Variants in SPATA16 observed in about 807,000 individuals in gnomAD.
The protein encoded by SPATA16 is spermatogenesis associated 16.
SPATA16 carries 36 observed loss-of-function variants against 63.3 expected under a neutral mutation model. That is an observed-to-expected ratio of 0.57 (90% CI 0.44 to 0.75). The LOEUF (loss-of-function observed/expected upper bound fraction) is 0.75. Among genes scored for constraint, SPATA16 ranks in the 30% least tolerant of loss-of-function variants. SPATA16 has a pLI of 0.00. For missense variants in SPATA16, 646 were observed against 679.3 expected (o/e 0.95, Z 0.54); for synonymous variants, 203 against 216.7 (o/e 0.94, Z 0.56).
chr3:173,076,591 T>A (rs1331566462), intron 2 of SPATA16, among the ~76,000 whole-genome samples: 3 of 152,044 alleles, frequency 2.0e-5, no homozygotes, highest in Non-Finnish European at 2.9e-5. Context: ...TCTAAAAAAA[T>A]TATTTTAAAC....
At chr3:172,964,694 G>T (rs1189259688) in intron 5 of SPATA16, among the ~76,000 whole-genome samples, 1 of 151,970 alleles carries the variant, frequency 6.6e-6, no homozygotes, top group Non-Finnish European at 1.5e-5. Flanking sequence ...GTTGTTTTTT[G>T]ATTGTATTTC....
chr3:173,009,512 A>G (rs1236875459), intron 4 of SPATA16, among the ~76,000 whole-genome samples: 2 of 152,234 alleles, frequency 1.3e-5, no homozygotes, highest in African/African-American at 4.8e-5. Flanking sequence ...ACTCAAGCCC[A>G]TGTGAAGCCC....
At chr3:172,996,611 A>G (rs778872739) in intron 4 of SPATA16, among the ~76,000 whole-genome samples, 5 of 152,090 alleles carry the variant, frequency 3.3e-5, no homozygotes, top group East Asian at 1.9e-4. Flanking sequence ...ATCCCTCACC[A>G]GAGTGGTATA....
Position 172,960,873 on chromosome 3 carries a change from C to CTT in SPATA16, c.934-4050_934-4049insAA, listed in dbSNP as rs1213511325. Among the ~76,000 whole-genome samples, 94 of 114,060 alleles carry CTT rather than the reference C, an allele frequency of 8.2e-4. 1 individual carries two copies. Among genetic ancestry groups the CTT allele is most frequent in the African/African-American group, 4.4e-3 (91 of 20,540 alleles). The allele number at this position is 114,060 out of a possible 152,430, so 74.8% of individuals were successfully genotyped here. A position where few individuals can be genotyped will look rare whatever the true frequency, so the allele number is the denominator to read the frequency against. ...TAGAATTATGTAACTTACTTTCTTTCTCTCTTTCTTTCTCTCTCTCCTTCC... is the reference window on the plus strand; with the variant it reads ...TAGAATTATGTAACTTACTTTCTTTCTTTCTCTTTCTTTCTCTCTCTCCTTCC... On this transcript the variant is annotated intron_variant, in intron 5 of 10. Transcript: ENST00000351008.
At chr3:173,134,704 G>A (rs897681554) in intron 1 of SPATA16, among the ~76,000 whole-genome samples, 1 of 152,106 alleles carries the variant, frequency 6.6e-6, no homozygotes. Context: ...AAATTACCCA[G>A]TCTCAGGTAT....
chr3:172,914,278 G>A (rs1281566282), intron 9 of SPATA16, among the ~76,000 whole-genome samples: 1 of 151,606 alleles, frequency 6.6e-6, no homozygotes, highest in African/African-American at 2.4e-5. Flanking sequence ...GGTCCCATTC[G>A]AAGGCAAGTT....
intron 6 of SPATA16, among the ~76,000 whole-genome samples, chr3:172,931,978 T>A (rs1272349514): frequency 6.6e-6 from 1 of 152,142 alleles, no homozygotes; most frequent in Admixed American, 6.6e-5. Context: ...TGGGGAGAGT[T>A]TGGCTTAGTG....
rs370287671 is a variant in SPATA16, at chr3:172,914,742, T to G, written c.1504-998A>C. Among the ~76,000 whole-genome samples the G allele has an allele frequency of 8.7e-4, 133 of 152,266 alleles. 4 individuals are homozygous for G. The South Asian group carries it at 0.026, about 30-fold the overall frequency. On this transcript the variant is annotated intron_variant, in intron 9 of 10. Coordinates refer to ENST00000351008, the MANE Select transcript of SPATA16 (RefSeq NM_031955.6). The stretch of plus-strand genomic sequence containing the variant: ...CACATATATTTAAATATTTTTCTGC[T>G]GGGTATATAAGTACAAAAATATCCA...
At chr3:173,060,261 A>G (rs1386808737) in intron 2 of SPATA16, among the ~76,000 whole-genome samples, 2 of 152,208 alleles carry the variant, frequency 1.3e-5, no homozygotes, top group Non-Finnish European at 2.9e-5. Context: ...CCATCCCCAA[A>G]AAAAGAAACA....
intron 2 of SPATA16, among the ~76,000 whole-genome samples, chr3:173,096,919 C>G (rs577626052): frequency 6.6e-6 from 1 of 152,056 alleles, no homozygotes; most frequent in Non-Finnish European, 1.5e-5. Context: ...AGTATAACCA[C>G]TAACACTTAT....
chr3:173,033,599 C>T (rs1208730915), intron 3 of SPATA16, among the ~76,000 whole-genome samples: 1 of 152,094 alleles, frequency 6.6e-6, no homozygotes, highest in Non-Finnish European at 1.5e-5. Flanking sequence ...CTGTCTAATA[C>T]TGGAGGGGAG....
chr3:173,031,585 A>G (rs937076131), intron 3 of SPATA16, among the ~76,000 whole-genome samples: 4 of 152,060 alleles, frequency 2.6e-5, no homozygotes, highest in Admixed American at 2.6e-4. Flanking sequence ...GAGTCTTTCA[A>G]CATGGGCTGT....
chr3:172,930,295 CATCTGCTT>C (rs1278683627), intron 6 of SPATA16, among the ~76,000 whole-genome samples: 1 of 152,234 alleles, frequency 6.6e-6, no homozygotes, highest in Non-Finnish European at 1.5e-5. Context: ...CAGCAGTGTG[CATCTGCTT>C]CACAATCTAG....
At chr3:172,906,390 G>C (rs1732237880) in intron 10 of SPATA16, among the ~76,000 whole-genome samples, 1 of 152,206 alleles carries the variant, frequency 6.6e-6, no homozygotes, top group Non-Finnish European at 1.5e-5. Context: ...AAGGAACAGA[G>C]ATGGAGGATC....
intron 2 of SPATA16, among the ~76,000 whole-genome samples, chr3:173,095,465 A>G (rs939072428): frequency 1.3e-5 from 2 of 152,160 alleles, no homozygotes; most frequent in African/African-American, 2.4e-5. Flanking sequence ...CTACCTATGT[A>G]TATGTCAGCT....
intron 6 of SPATA16, among the ~76,000 whole-genome samples, chr3:172,938,508 C>T (rs1358550678): frequency 6.6e-6 from 1 of 152,112 alleles, no homozygotes; most frequent in Non-Finnish European, 1.5e-5. Context: ...GATCCTCTGC[C>T]AGTCCCTCAA....
At chr3:172,985,103 A>G (rs1230578253) in intron 4 of SPATA16, among the ~76,000 whole-genome samples, 2 of 152,152 alleles carry the variant, frequency 1.3e-5, no homozygotes, top group Non-Finnish European at 2.9e-5. Flanking sequence ...ACTGTGTGTA[A>G]TGCTATTGCC....
In SPATA16 at chr3:172,925,457, C is replaced by CAACT. The variant is rs764087568; in HGVS notation, c.1113_1116dup (p.Asp373SerfsTer2). 3.7e-6 allele frequency: 6 copies of CAACT among 1,613,948 alleles called. No individual in the cohort carries two copies. In the Admixed American group the frequency reaches 1.0e-4, roughly 27 times the overall value. ...TGTTGGGGAGGAAAAGATGACCAGT[C>CAACT]AACTGTCTGAGGCAACATGTGGAGT... On this transcript the variant is annotated frameshift_variant, in exon 7 of 11. Coordinates refer to ENST00000351008, the MANE Select transcript of SPATA16 (RefSeq NM_031955.6). LOFTEE classifies it high-confidence loss of function.
intron 4 of SPATA16, among the ~76,000 whole-genome samples, chr3:172,999,240 G>T (rs905857761): frequency 2.0e-5 from 3 of 152,040 alleles, no homozygotes; most frequent in Non-Finnish European, 4.4e-5. Flanking sequence ...GGCCTATTCA[G>T]ATTGTCTATT....
Sources: allele counts gnomAD v4.1 joint callset (sites outside exome capture counted in the v4.1 genomes callset), GRCh38; gene constraint gnomAD v4.1.1; transcripts MANE v1.5; gene names NCBI Gene and HGNC (gene_info 2026-07-23, HGNC 2026-07-21).